Variants in STYK1 observed in about 807,000 individuals in gnomAD.
STYK1 encodes STY kinase 1, also known as tyrosine-protein kinase STYK1.
STYK1 carries 46 observed loss-of-function variants against 48.1 expected under a neutral mutation model. The observed-to-expected ratio is 0.96, with a 90% CI of 0.75 to 1.22. The LOEUF is 1.22. Among genes scored for constraint, STYK1 ranks in the 50% most tolerant of loss-of-function variants. STYK1 has a pLI of 0.00. For synonymous variants in STYK1, 188 were observed against 189.0 expected (o/e 0.99, Z 0.04); for missense variants, 527 against 521.1 (o/e 1.01, Z -0.11).
intron 1 of STYK1, among the ~76,000 whole-genome samples, chr12:10,666,562 T>C (rs1163852604): frequency 1.3e-5 from 2 of 152,248 alleles, no homozygotes; most frequent in African/African-American, 4.8e-5. Context: ...CATGTTGATA[T>C]GATTTGGCTC....
At chr12:10,665,704 G>T (rs1420009844) in intron 1 of STYK1, among the ~76,000 whole-genome samples, 1 of 152,144 alleles carries the variant, frequency 6.6e-6, no homozygotes, top group Non-Finnish European at 1.5e-5. Context: ...GATACATGAA[G>T]GCTACAATAT....
chr12:10,620,156 A>G lies in STYK1; in HGVS notation c.1257T>C (p.Tyr419=), dbSNP rs779416843. ...TGCCCGAGACTCTTCAAAGCATGCT[A>G]TAGTTGTAGAAGAGGCTCTCCACTC... ...GIRVESLFYN[Y]SML Residue 419 remains tyrosine, a synonymous_variant, in exon 11 of 11, where the codon TAT becomes TAC. Transcript: ENST00000075503. 1.2e-6 allele frequency: 2 copies of G among 1,614,202 alleles called. No homozygotes were observed. The highest frequency in any genetic ancestry group is 8.5e-7 in the Non-Finnish European group (1 of 1,180,034).
intron 1 of STYK1, among the ~76,000 whole-genome samples, chr12:10,642,013 T>A (rs930978507): frequency 6.6e-6 from 1 of 152,184 alleles, no homozygotes; most frequent in Admixed American, 6.5e-5. Flanking sequence ...GCCTTCCTAG[T>A]TTAGTGAGCA....
chr12:10,642,995 A>G (rs1947561615), intron 1 of STYK1, among the ~76,000 whole-genome samples: 1 of 152,098 alleles, frequency 6.6e-6, no homozygotes, highest in South Asian at 2.1e-4. Flanking sequence ...ATCCTGAACC[A>G]ATTCTGACGG....
At chr12:10,668,247 G>C (rs2120823130) in intron 1 of STYK1, among the ~76,000 whole-genome samples, 3 of 152,198 alleles carry the variant, frequency 2.0e-5, no homozygotes, top group Middle Eastern at 6.8e-3. Flanking sequence ...CTTGCTGTTT[G>C]CTCACAAAGA....
rs548071317 is a variant in STYK1 at position 10,623,177 on chromosome 12, A to C, written c.927-499T>G. The stretch of plus-strand genomic sequence containing the variant: ...ACAGGGCAAGCTTTATATATAGTTG[A>C]AATAGGTATTTGCCTAAGCAATATG... On this transcript the variant is annotated intron_variant, in intron 8 of 10. Coordinates refer to ENST00000075503, the MANE Select transcript of STYK1 (RefSeq NM_018423.3). Among the ~76,000 whole-genome samples the C allele has an allele frequency of 2.6e-5, 4 of 152,232 alleles. No individual in the cohort carries two copies. In the South Asian group the frequency reaches 8.3e-4, roughly 31 times the overall value.
chr12:10,651,039 T>C (rs1178911784), intron 1 of STYK1, among the ~76,000 whole-genome samples: 1 of 149,420 alleles, frequency 6.7e-6, no homozygotes, highest in African/African-American at 2.5e-5. Flanking sequence ...GAGCAGTGTG[T>C]GTGCAAGTGT....
In STYK1 at chr12:10,641,110, C is replaced by G. The variant is rs1417238756; in HGVS notation, c.-194-3914G>C. On this transcript the variant is annotated intron_variant, in intron 1 of 10. Transcript: ENST00000075503. Reference sequence around the variant, plus strand: ...ACGTTCTCTTCCTGAGATTCCTAATCAATAACAATTTTCCCAGCTCCTCAG... The same window carrying G: ...ACGTTCTCTTCCTGAGATTCCTAATGAATAACAATTTTCCCAGCTCCTCAG... Among the ~76,000 whole-genome samples the G allele has an allele frequency of 2.0e-5, 3 of 152,090 alleles. No individual in the cohort carries two copies. The East Asian group carries it at 5.8e-4, about 29-fold the overall frequency.
intron 1 of STYK1, among the ~76,000 whole-genome samples, chr12:10,656,318 C>G (rs1947717544): frequency 7.4e-6 from 1 of 135,616 alleles, no homozygotes; most frequent in South Asian, 2.4e-4. Flanking sequence ...ATGTCTTTAT[C>G]AGCAGCATGA....
At chr12:10,662,045 A>G (rs893717096) in intron 1 of STYK1, among the ~76,000 whole-genome samples, 3 of 152,140 alleles carry the variant, frequency 2.0e-5, no homozygotes, top group Admixed American at 6.6e-5. Context: ...GCCCCTGGCA[A>G]TCATGAATTA....
At chr12:10,635,059 C>T (rs1244183827) in intron 2 of STYK1, among the ~76,000 whole-genome samples, 1 of 152,154 alleles carries the variant, frequency 6.6e-6, no homozygotes. Flanking sequence ...GCATGATCTA[C>T]CTCCCCTACA....
chr12:10,640,313 C>G (rs1049733995), intron 1 of STYK1, among the ~76,000 whole-genome samples: 1 of 152,098 alleles, frequency 6.6e-6, no homozygotes, highest in African/African-American at 2.4e-5. Context: ...GGGAAACAAA[C>G]CAGTGAGAGG....
In STYK1 at chr12:10,619,681, G is replaced by A. The variant is rs1056743052; in HGVS notation, c.*463C>T. ...GTCCTACCACCTTTTCTTGAAGGAG[G>A]TGTTGGTCCATATCTGTAATCCTGA... On this transcript the variant is annotated 3_prime_UTR_variant, in exon 11 of 11. Coordinates refer to ENST00000075503, the MANE Select transcript of STYK1 (RefSeq NM_018423.3). The A allele has an allele frequency of 4.8e-6, 1 of 209,280 alleles. No homozygotes were observed. Among genetic ancestry groups the A allele is most frequent in the Non-Finnish European group, 9.4e-6 (1 of 105,862 alleles). The allele number at this position is 209,280 out of a possible 1,614,324, so 13.0% of individuals were successfully genotyped here. A position where few individuals can be genotyped will look rare whatever the true frequency, so the allele number is the denominator to read the frequency against.
intron 1 of STYK1, among the ~76,000 whole-genome samples, chr12:10,650,149 T>A (rs887679695): frequency 1.1e-3 from 90 of 84,012 alleles, no homozygotes; most frequent in Non-Finnish European, 1.5e-3. Context: ...AAAAAAAAAA[T>A]CTTGAGTTTA....
At chr12:10,625,897 C>A (rs1213742480) in intron 7 of STYK1, among the ~76,000 whole-genome samples, 2 of 152,088 alleles carry the variant, frequency 1.3e-5, no homozygotes, top group Non-Finnish European at 2.9e-5. Flanking sequence ...TCTAGTACAG[C>A]CAACAGAGCA....
rs182018377 is a variant in STYK1 at position 10,633,137 on chromosome 12, A to G, written c.187+853T>C. Among the ~76,000 whole-genome samples the G allele has an allele frequency of 6.6e-4, 100 of 152,320 alleles. 1 individual carries two copies. The highest frequency in any genetic ancestry group is 2.3e-3 in the African/African-American group (94 of 41,574). On this transcript the variant is annotated intron_variant, in intron 4 of 10. Coordinates refer to ENST00000075503, the MANE Select transcript of STYK1 (RefSeq NM_018423.3). ...GTTTTTTCAGTATTTCAAGAAAGAGAAAGTTTAAAATTGTTTCAAATGCTT... is the reference window on the plus strand; with the variant it reads ...GTTTTTTCAGTATTTCAAGAAAGAGGAAGTTTAAAATTGTTTCAAATGCTT...
rs1433846911 is a variant in STYK1, at chr12:10,631,085, G to T, written c.411C>A (p.Asp137Glu). The change falls in exon 5 of 11, where the codon GAC (aspartate) becomes GAA (glutamate). Residue 137 changes from aspartate to glutamate, a missense_variant. Physicochemically the swap from Asp to Glu is conservative, Grantham distance 45. Transcript: ENST00000075503. The part of the protein sequence containing the change: ...PIFRANMNTG[D>E]PSKPKSVILK... ...GAATAACACTCTTGGGCTTAGAAGG[G>T]TCCCCAGTGTTCATATTGGCTCGAA... 6.2e-7 allele frequency: 1 copy of T among 1,614,126 alleles called. No homozygotes were observed.
At chr12:10,673,505 A>G (rs1046426493) in intron 1 of STYK1, 1 of 152,268 alleles carries the variant, frequency 6.6e-6, no homozygotes, top group African/African-American at 2.4e-5. Context: ...ACAACCCTGG[A>G]AAGTAATTAC....
intron 2 of STYK1, 77 bp from the exon 3 acceptor site, chr12:10,634,763 G>A (rs1395963738): frequency 2.3e-5 from 19 of 833,252 alleles, no homozygotes; most frequent in South Asian, 8.6e-5. Flanking sequence ...ATTTTAAACC[G>A]CCTCTACAGA....
Sources: allele counts gnomAD v4.1 joint callset (sites outside exome capture counted in the v4.1 genomes callset), GRCh38; gene constraint gnomAD v4.1.1; transcripts MANE v1.5; gene names NCBI Gene and HGNC (gene_info 2026-07-23, HGNC 2026-07-21).